Variants in ANO4 observed in about 807,000 individuals in gnomAD.
ANO4 encodes anoctamin-4.
Under a neutral mutation model 141.9 loss-of-function variants are expected in ANO4, and 69 were observed. The ratio of observed to expected loss-of-function variants is 0.49; its 90% CI spans 0.40 to 0.59. ANO4 has a LOEUF of 0.59. Among genes scored for constraint, ANO4 ranks in the 20% least tolerant of loss-of-function variants. The pLI, the probability that ANO4 is intolerant of heterozygous loss-of-function variation, is 0.00. For synonymous variants in ANO4, 350 were observed against 394.3 expected (o/e 0.89, Z 1.33); for missense variants, 894 against 1,162.2 (o/e 0.77, Z 3.36).
At position 100,986,936 on chromosome 12, in the gene ANO4, A is replaced by G. The variant is rs180994238; in HGVS notation, c.603-603A>G. 5.1e-3 allele frequency among the ~76,000 whole-genome samples: 780 copies of G among 152,300 alleles called. 8 individuals are homozygous for G. Among genetic ancestry groups the G allele is most frequent in the African/African-American group, 0.017 (724 of 41,556 alleles). On this transcript the variant is annotated intron_variant, in intron 7 of 27. Coordinates refer to ENST00000392977, the MANE Select transcript of ANO4 (RefSeq NM_001286615.2). ...TTCATTAGAGTGACACATGTGTGTC[A>G]CGATGCCCTAGCACCATGAGAACCA...
intron 8 of ANO4, among the ~76,000 whole-genome samples, chr12:101,007,220 G>T (rs1258283683): frequency 6.6e-6 from 1 of 152,182 alleles, no homozygotes; most frequent in Admixed American, 6.5e-5. Flanking sequence ...GGGTGTGATG[G>T]CATGCGCCTG....
Position 100,901,810 on chromosome 12 carries a change from A to G in ANO4, c.25A>G (p.Thr9Ala). The change falls in exon 2 of 28, where the codon ACT becomes GCT. Residue 9 changes from threonine (T) to alanine (A), a missense_variant. Physicochemically the swap from Thr to Ala is moderately conservative, Grantham distance 58 (BLOSUM62 0). Around this residue, in one of 2 missense-constraint regions of ANO4, gnomAD observed 257 missense variants for 253.0 expected, o/e 1.02. Coordinates refer to ENST00000392977, the MANE Select transcript of ANO4 (RefSeq NM_001286615.2). MEASSSGI[T>A]NGKTKVFHPE... ...AATGGAGGCAAGCTCTTCTGGAATC[A>G]CTAATGGAAAAACCAAAGTCTTCCA... 1 of 1,611,550 alleles carries G rather than the reference A, an allele frequency of 6.2e-7. No individual in the cohort carries two copies. Among genetic ancestry groups the G allele is most frequent in the Non-Finnish European group, 8.5e-7 (1 of 1,179,246 alleles).
chr12:100,958,170 T>C (rs1406351379), intron 5 of ANO4, among the ~76,000 whole-genome samples: 1 of 152,246 alleles, frequency 6.6e-6, no homozygotes, highest in African/African-American at 2.4e-5. Context: ...ATCTTGTTCA[T>C]GCCCACCCCT....
intron 27 of ANO4, 120 bp from the exon 28 acceptor site, chr12:101,127,741 C>A (rs1593341457): frequency 6.5e-6 from 1 of 152,718 alleles, no homozygotes; most frequent in South Asian, 2.1e-4. Flanking sequence ...TCCCTGACTC[C>A]ATTTGGGGTT....
At chr12:100,864,740 G>T (rs2038665053) in intron 1 of ANO4, among the ~76,000 whole-genome samples, 1 of 152,198 alleles carries the variant, frequency 6.6e-6, no homozygotes, top group Admixed American at 6.5e-5. Context: ...GAACGTGCAG[G>T]TTTGTTACAT....
intron 10 of ANO4, 59 bp downstream of exon 10, chr12:101,037,209 T>C: frequency 6.5e-7 from 1 of 1,535,504 alleles, no homozygotes; most frequent in Non-Finnish European, 9.0e-7. Context: ...AAAGTCAGCT[T>C]CTAGAGATAG....
intron 17 of ANO4, among the ~76,000 whole-genome samples, chr12:101,089,360 A>T (rs1260784307): frequency 3.4e-5 from 5 of 146,264 alleles, no homozygotes; most frequent in Admixed American, 6.8e-5. Flanking sequence ...CAGAAGTAAT[A>T]AAAAAAAAAG....
chr12:100,836,850 G>T (rs1195094226), intron 1 of ANO4, among the ~76,000 whole-genome samples: 1 of 152,242 alleles, frequency 6.6e-6, no homozygotes. Flanking sequence ...AGCCAGGAGA[G>T]ATATGTGATA....
intron 5 of ANO4, among the ~76,000 whole-genome samples, chr12:100,966,713 T>C (rs2043669908): frequency 6.6e-6 from 1 of 152,080 alleles, no homozygotes; most frequent in Admixed American, 6.6e-5. Flanking sequence ...GGTCTGTCTC[T>C]ATTTCCTCTT....
At chr12:101,022,174 T>TG (rs1468121484) in intron 9 of ANO4, among the ~76,000 whole-genome samples, 1 of 152,166 alleles carries the variant, frequency 6.6e-6, no homozygotes, top group Non-Finnish European at 1.5e-5. Context: ...AGTCAATGTA[T>TG]GGGGGTATGG....
intron 1 of ANO4, among the ~76,000 whole-genome samples, chr12:100,845,021 G>A (rs183983434): frequency 6.6e-6 from 1 of 152,228 alleles, no homozygotes; most frequent in Non-Finnish European, 1.5e-5. Flanking sequence ...CAAGAGAAGA[G>A]CTTTCAGAAG....
chr12:100,801,205 GATA>G (rs2034667588), intron 1 of ANO4, among the ~76,000 whole-genome samples: 1 of 152,058 alleles, frequency 6.6e-6, no homozygotes, highest in Non-Finnish European at 1.5e-5. Flanking sequence ...CTGTAGAGCA[GATA>G]ACCAATAATC....
At chr12:101,004,102 C>G (rs993193856) in intron 8 of ANO4, among the ~76,000 whole-genome samples, 1 of 150,404 alleles carries the variant, frequency 6.6e-6, no homozygotes, top group Non-Finnish European at 1.5e-5. Flanking sequence ...AGGTTCCATT[C>G]AGGAAAACTG....
chr12:100,906,031 A>G (rs750948440), intron 2 of ANO4, among the ~76,000 whole-genome samples: 2 of 152,184 alleles, frequency 1.3e-5, no homozygotes, highest in Non-Finnish European at 2.9e-5. Context: ...GGAGAGGGGA[A>G]ATATGTTTGC....
chr12:100,982,511 T>A (rs1042829627), intron 7 of ANO4, among the ~76,000 whole-genome samples: 5 of 152,234 alleles, frequency 3.3e-5, no homozygotes, highest in Admixed American at 6.5e-5. Context: ...TGAACTTTTA[T>A]TGGGAAAAGA....
intron 3 of ANO4, among the ~76,000 whole-genome samples, chr12:100,786,579 G>A (rs1188526171): frequency 6.6e-6 from 1 of 152,060 alleles, no homozygotes; most frequent in Non-Finnish European, 1.5e-5. Context: ...TTTGAATGCT[G>A]GTGAAATCTC....
intron 3 of ANO4, among the ~76,000 whole-genome samples, chr12:100,763,081 G>T (rs572353585): frequency 6.6e-6 from 1 of 152,180 alleles, no homozygotes; most frequent in Non-Finnish European, 1.5e-5. Flanking sequence ...TTGAACCAGC[G>T]TTGTCTGGTT....
At chr12:101,008,380 T>C (rs2045951943) in intron 8 of ANO4, among the ~76,000 whole-genome samples, 1 of 152,182 alleles carries the variant, frequency 6.6e-6, no homozygotes, top group Non-Finnish European at 1.5e-5. Flanking sequence ...ACTATTTTAT[T>C]ATTACTTTGC....
At position 100,725,860 on chromosome 12, in the gene ANO4, T is replaced by C. The variant is rs557894777; in HGVS notation, c.23-7914T>C. Among the ~76,000 whole-genome samples the C allele has an allele frequency of 7.2e-5, 11 of 152,350 alleles. No individual in the cohort carries two copies. In the East Asian group the frequency reaches 2.1e-3, roughly 29 times the overall value. On this transcript the variant is annotated intron_variant, in intron 1 of 29. Coordinates refer to the ANO4 transcript ENST00000644049. ...TAGACTCATGTCAGGATATCAGTTC[T>C]GGTTCTCCCACTTTCTAGTTGTGTG... is the stretch of plus-strand genomic sequence containing the variant.
Sources: allele counts gnomAD v4.1 joint callset (sites outside exome capture counted in the v4.1 genomes callset), GRCh38; gene constraint gnomAD v4.1.1; regional missense constraint gnomAD v4.1.1; transcripts MANE v1.5; gene names NCBI Gene and HGNC (gene_info 2026-07-23, HGNC 2026-07-21).